ST6GALNAC3: variants seen among roughly 807,000 people sequenced by gnomAD.
ST6GALNAC3 encodes ST6 N-acetylgalactosaminide alpha-2,6-sialyltransferase 3.
Under a neutral mutation model 32.7 loss-of-function variants are expected in ST6GALNAC3, and 25 were observed. That is an observed-to-expected ratio of 0.76 (90% CI 0.56 to 1.07). The LOEUF (loss-of-function observed/expected upper bound fraction) is 1.07. ST6GALNAC3 is among the 50% of genes least tolerant of loss of function. The pLI is 0.00. For synonymous variants in ST6GALNAC3, 129 were observed against 133.1 expected (o/e 0.97, Z 0.21); for missense variants, 355 against 382.4 (o/e 0.93, Z 0.60).
chr1:76,578,290 T>G (rs531303263), intron 3 of ST6GALNAC3, among the ~76,000 whole-genome samples: 56 of 152,176 alleles, frequency 3.7e-4, no homozygotes, highest in African/African-American at 1.3e-3. Flanking sequence ...TGTAGAGGCC[T>G]ATAAGGACTT....
intron 1 of ST6GALNAC3, among the ~76,000 whole-genome samples, chr1:76,276,857 G>C (rs895022078): frequency 6.6e-6 from 1 of 152,098 alleles, no homozygotes; most frequent in Non-Finnish European, 1.5e-5. Context: ...TTGTCAAATT[G>C]GTGTGTATGA....
Position 76,409,648 on chromosome 1 carries a change from C to T in ST6GALNAC3, c.214-2360C>T, listed in dbSNP as rs182380738. Among the ~76,000 whole-genome samples the T allele has an allele frequency of 7.3e-3, 1,110 of 152,062 alleles. 4 individuals carry two copies. The highest frequency in any genetic ancestry group is 0.012 in the Non-Finnish European group (833 of 67,982). On this transcript the variant is annotated intron_variant, in intron 2 of 4. Transcript: ENST00000328299. Reference sequence around the variant, plus strand: ...GCATAAAACTATCTCTAAGGGCTGACATGGGAAAGGCTGATGATTTTTGAT... The same window carrying T: ...GCATAAAACTATCTCTAAGGGCTGATATGGGAAAGGCTGATGATTTTTGAT...
At chr1:76,103,821 T>C (rs991523974) in intron 1 of ST6GALNAC3, among the ~76,000 whole-genome samples, 4 of 152,238 alleles carry the variant, frequency 2.6e-5, no homozygotes, top group Non-Finnish European at 5.9e-5. Flanking sequence ...CAATCTCTTA[T>C]AAGAATACAT....
At chr1:76,579,665 A>C (rs1363116615) in intron 3 of ST6GALNAC3, among the ~76,000 whole-genome samples, 1 of 151,914 alleles carries the variant, frequency 6.6e-6, no homozygotes, top group Admixed American at 6.6e-5. Context: ...AAGGGAAAAA[A>C]ATGATTGTTT....
At chr1:76,466,299 A>T (rs1658624203) in intron 3 of ST6GALNAC3, among the ~76,000 whole-genome samples, 1 of 151,990 alleles carries the variant, frequency 6.6e-6, no homozygotes, top group Admixed American at 6.6e-5. Flanking sequence ...CAATGAACTG[A>T]AATTGCTCTT....
chr1:76,204,048 C>T (rs1654685391), intron 1 of ST6GALNAC3, among the ~76,000 whole-genome samples: 2 of 152,096 alleles, frequency 1.3e-5, no homozygotes, highest in African/African-American at 4.8e-5. Context: ...ATCCCCTTAC[C>T]CCCACTACTC....
At chr1:76,363,141 T>C (rs1205694987) in intron 2 of ST6GALNAC3, among the ~76,000 whole-genome samples, 2 of 152,214 alleles carry the variant, frequency 1.3e-5, no homozygotes, top group African/African-American at 4.8e-5. Flanking sequence ...GTGCTTCCCT[T>C]TTAAATATAA....
intron 2 of ST6GALNAC3, among the ~76,000 whole-genome samples, chr1:76,411,424 A>T (rs1654229131): frequency 6.6e-6 from 1 of 152,144 alleles, no homozygotes; most frequent in Non-Finnish European, 1.5e-5. Flanking sequence ...GCCAATTAAT[A>T]TGATGACTTG....
At chr1:76,227,378 A>G (rs1005367990) in intron 1 of ST6GALNAC3, among the ~76,000 whole-genome samples, 5 of 152,148 alleles carry the variant, frequency 3.3e-5, no homozygotes, top group African/African-American at 9.7e-5. Flanking sequence ...TGTGGAATTG[A>G]GCACATTGTT....
At chr1:76,541,392 C>T (rs1336406480) in intron 3 of ST6GALNAC3, among the ~76,000 whole-genome samples, 3 of 152,094 alleles carry the variant, frequency 2.0e-5, no homozygotes, top group African/African-American at 7.2e-5. Context: ...AGAGGCTCAG[C>T]CCAAGTATCT....
chr1:76,343,838 A>G (rs1465686880), intron 2 of ST6GALNAC3, among the ~76,000 whole-genome samples: 1 of 152,236 alleles, frequency 6.6e-6, no homozygotes, highest in East Asian at 1.9e-4. Context: ...TATGATAAAC[A>G]TGCTAGTGAA....
chr1:76,401,023 T>C (rs1653373839), intron 2 of ST6GALNAC3, among the ~76,000 whole-genome samples: 1 of 152,232 alleles, frequency 6.6e-6, no homozygotes, highest in Admixed American at 6.5e-5. Flanking sequence ...GATGAAGCTT[T>C]ACTATAATGT....
intron 3 of ST6GALNAC3, among the ~76,000 whole-genome samples, chr1:76,417,175 C>T (rs1462954983): frequency 6.6e-6 from 1 of 150,580 alleles, no homozygotes; most frequent in African/African-American, 2.4e-5. Context: ...GGTTGCTTTC[C>T]CTTTCTGTCT....
chr1:76,383,103 A>C (rs927830268), intron 2 of ST6GALNAC3, among the ~76,000 whole-genome samples: 1 of 152,218 alleles, frequency 6.6e-6, no homozygotes, highest in Non-Finnish European at 1.5e-5. Context: ...AGAATCCAGA[A>C]GTCGATGAAG....
At chr1:76,366,671 C>T (rs1190136954) in intron 2 of ST6GALNAC3, among the ~76,000 whole-genome samples, 1 of 150,768 alleles carries the variant, frequency 6.6e-6, no homozygotes, top group African/African-American at 2.4e-5. Flanking sequence ...GAAGAAGTCA[C>T]ATTTTCTGCT....
rs1570748592 is a variant in ST6GALNAC3, at chr1:76,302,844, G to A, written c.19-10961G>A. On this transcript the variant is annotated intron_variant, in intron 1 of 4. Transcript: ENST00000328299. ...TGCACAAAACACACAAACAAAGCAA[G>A]GAAAGAATGAAGCAACAAAAGCAGA... Among the ~76,000 whole-genome samples, 3 of 152,006 alleles carry A rather than the reference G, an allele frequency of 2.0e-5. No homozygotes were observed. In the South Asian group the frequency reaches 6.2e-4, roughly 32 times the overall value.
At chr1:76,209,512 A>G (rs1655020239) in intron 1 of ST6GALNAC3, among the ~76,000 whole-genome samples, 1 of 152,200 alleles carries the variant, frequency 6.6e-6, no homozygotes, top group Non-Finnish European at 1.5e-5. Context: ...ACACAAAGGT[A>G]TCATGTGGGC....
intron 2 of ST6GALNAC3, among the ~76,000 whole-genome samples, chr1:76,351,090 G>A (rs761196724): frequency 6.6e-5 from 10 of 152,120 alleles, no homozygotes; most frequent in Admixed American, 1.3e-4. Flanking sequence ...TAATTTACTA[G>A]AATTTCTTTT....
intron 2 of ST6GALNAC3, among the ~76,000 whole-genome samples, chr1:76,398,325 G>A (rs1653142559): frequency 6.6e-6 from 1 of 152,112 alleles, no homozygotes. Context: ...ATTTGTCATA[G>A]AACACTGTTT....
Sources: allele counts gnomAD v4.1 joint callset (sites outside exome capture counted in the v4.1 genomes callset), GRCh38; gene constraint gnomAD v4.1.1; transcripts MANE v1.5; gene names NCBI Gene and HGNC (gene_info 2026-07-23, HGNC 2026-07-21).